The following TSC22D2 variants were observed in gnomAD, a reference collection of about 807,000 sequenced individuals.
TSC22D2 encodes the protein TSC22 domain family protein 2.
Under a neutral mutation model 50.1 loss-of-function variants are expected in TSC22D2, and 5 were observed. The observed-to-expected ratio is 0.10, with a 90% CI of 0.05 to 0.21. The LOEUF is 0.21. Ranked by LOEUF, TSC22D2 falls within the 10% of genes least tolerant of loss-of-function variation. The probability of loss-of-function intolerance (pLI) is 1.00; values close to 1 mark genes in which losing one functional copy is unlikely to be tolerated. For missense variants in TSC22D2, 1,003 were observed against 1,015.5 expected, an observed-to-expected ratio of 0.99 and a Z score of 0.17; for synonymous variants, 501 against 450.1, an observed-to-expected ratio of 1.11 and a Z score of -1.43.
chr3:150,430,226 G>A (rs1720334954), intron 1 of TSC22D2, among the ~76,000 whole-genome samples: 1 of 152,136 alleles, frequency 6.6e-6, no homozygotes, highest in Non-Finnish European at 1.5e-5. Flanking sequence ...TTAAAGAACT[G>A]AGGGGAAGGG....
chr3:150,440,025 T>G (rs1720666849), intron 1 of TSC22D2, among the ~76,000 whole-genome samples: 1 of 152,208 alleles, frequency 6.6e-6, no homozygotes, highest in Non-Finnish European at 1.5e-5. Context: ...TGGCACATTA[T>G]CTCATTTAAT....
At chr3:150,434,811 T>C (rs972645590) in intron 1 of TSC22D2, among the ~76,000 whole-genome samples, 2 of 151,688 alleles carry the variant, frequency 1.3e-5, no homozygotes, top group Admixed American at 6.6e-5. Flanking sequence ...CATGTACTTA[T>C]GCTTATATAT....
In TSC22D2 at chr3:150,466,080, GT is replaced by G. The variant is rs762434698; in HGVS notation, c.*7445del. 6.6e-6 allele frequency: 1 copy of G among 152,094 alleles called. No homozygotes were observed. The highest frequency in any genetic ancestry group is 1.5e-5 in the Non-Finnish European group (1 of 68,022). 9.4% of individuals were successfully genotyped at this position (152,094 alleles called of 1,614,324 possible). A position where few individuals can be genotyped will look rare whatever the true frequency, so the allele number is the denominator to read the frequency against. On this transcript the variant is annotated 3_prime_UTR_variant, in exon 3 of 3. Transcript: ENST00000688009. ...ATTAAGTATCAATGAAAAAGAGAGAGTCCTACATGTCCGGCATGGAAGGATC... is the reference window on the plus strand; with the variant it reads ...ATTAAGTATCAATGAAAAAGAGAGAGCCTACATGTCCGGCATGGAAGGATC...
At chr3:150,449,994 C>A (rs1720994655) in intron 1 of TSC22D2, among the ~76,000 whole-genome samples, 1 of 151,878 alleles carries the variant, frequency 6.6e-6, no homozygotes, top group Non-Finnish European at 1.5e-5. Flanking sequence ...AAAAATTAGA[C>A]ATGCAGTTAC....
At chr3:150,457,866 C>A (rs1392472963) in intron 2 of TSC22D2, among the ~76,000 whole-genome samples, 1 of 144,442 alleles carries the variant, frequency 6.9e-6, no homozygotes, top group Non-Finnish European at 1.5e-5. Context: ...AAACTCCTGA[C>A]CTCAGGTGAT....
In TSC22D2 at chr3:150,413,862, T is replaced by C. The variant is rs187044232; in HGVS notation, c.1958+2554T>C. On this transcript the variant is annotated intron_variant, in intron 1 of 2. Coordinates refer to ENST00000688009, the MANE Select transcript of TSC22D2 (RefSeq NM_001303264.2). ...CAAATTTCAGATCCTAAGGAAATAT[T>C]TGTAAATAAGATATATGCTTTTTTT... 1.8e-3 allele frequency among the ~76,000 whole-genome samples: 266 copies of C among 146,296 alleles called. 1 individual carries two copies. Among genetic ancestry groups the C allele is most frequent in the African/African-American group, 6.4e-3 (251 of 39,436 alleles).
chr3:150,430,208 A>T (rs563333142), intron 1 of TSC22D2, among the ~76,000 whole-genome samples: 14 of 152,256 alleles, frequency 9.2e-5, no homozygotes, highest in African/African-American at 3.4e-4. Flanking sequence ...GAATTTGGTC[A>T]AGCAGAATTA....
At chr3:150,445,322 TAATAATAATAATAATA>T (rs1720846834) in intron 1 of TSC22D2, among the ~76,000 whole-genome samples, 1 of 40,626 alleles carries the variant, frequency 2.5e-5, no homozygotes. Context: ...TCAAAAATAA[TAATAATAATAATAATA>T]ATAATAATAA....
chr3:150,424,086 TG>T (rs1475892043), intron 1 of TSC22D2, among the ~76,000 whole-genome samples: 1 of 152,208 alleles, frequency 6.6e-6, no homozygotes, highest in African/African-American at 2.4e-5. Context: ...GATTTGCTTG[TG>T]TGTGTCACTC....
At chr3:150,454,623 C>A (rs760253254) in intron 1 of TSC22D2, among the ~76,000 whole-genome samples, 1 of 152,090 alleles carries the variant, frequency 6.6e-6, no homozygotes, top group African/African-American at 2.4e-5. Flanking sequence ...ACAAGACCTC[C>A]AGATGATTCT....
Position 150,409,840 on chromosome 3 carries a change from G to T in TSC22D2, c.490G>T (p.Val164Leu). ...CACCACATGTAGTTCCCGTTTTCGC[G>T]TGATCAAGCTGGACCACGGGAGCGG... is the stretch of plus-strand genomic sequence containing the variant. ...PPTTCSSRFR[V>L]IKLDHGSGEP... Residue 164 changes from valine to leucine, a missense_variant, in exon 1 of 3, where the codon GTG becomes TTG. By Grantham distance (32) the Val-to-Leu change is conservative. This residue lies in a region of TSC22D2 where 19 missense variants were observed against 41.3 expected (regional missense o/e 0.46). Transcript: ENST00000688009. The surrounding 1 kb of genome is among the most constrained non-coding windows in gnomAD (Gnocchi z 7.4). 2 of 1,607,758 alleles carry T rather than the reference G, an allele frequency of 1.2e-6. No homozygotes were observed. The highest frequency in any genetic ancestry group is 1.7e-6 in the Non-Finnish European group (2 of 1,179,998).
At chr3:150,419,613 T>C (rs1205860284) in intron 1 of TSC22D2, among the ~76,000 whole-genome samples, 5 of 152,226 alleles carry the variant, frequency 3.3e-5, no homozygotes, top group Admixed American at 6.5e-5. Flanking sequence ...TTTTGAGGTA[T>C]GGAATGTTTG....
rs1721304830 is a variant in TSC22D2 at position 150,459,447 on chromosome 3, TCCTCTGC to T, written c.*812_*818del. The T allele has an allele frequency of 6.6e-6, 1 of 152,586 alleles. No individual in the cohort carries two copies. The highest frequency in any genetic ancestry group is 2.1e-4 in the South Asian group (1 of 4,830). The allele number at this position is 152,586 out of a possible 1,614,324, so 9.5% of individuals were successfully genotyped here. ...ACTTTCTAAGAGAAATTGCCACGAT[TCCTCTGC>T]TTTTCAACATTTCGTATGACTTTTT... On this transcript the variant is annotated 3_prime_UTR_variant, in exon 3 of 3. Coordinates refer to ENST00000688009, the MANE Select transcript of TSC22D2 (RefSeq NM_001303264.2).
intron 1 of TSC22D2, among the ~76,000 whole-genome samples, chr3:150,415,843 A>T (rs1719776246): frequency 6.6e-6 from 1 of 152,162 alleles, no homozygotes; most frequent in African/African-American, 2.4e-5. Context: ...TTCTGATAGC[A>T]CTAATTTGGA....
At chr3:150,421,728 T>G (rs1173366919) in intron 1 of TSC22D2, among the ~76,000 whole-genome samples, 2 of 152,206 alleles carry the variant, frequency 1.3e-5, no homozygotes, top group East Asian at 3.8e-4. Flanking sequence ...TTTAAGGCTC[T>G]TAATAGGACC....
At chr3:150,454,259 G>A (rs564110575) in intron 1 of TSC22D2, among the ~76,000 whole-genome samples, 27 of 152,236 alleles carry the variant, frequency 1.8e-4, no homozygotes, top group Admixed American at 1.6e-3. Flanking sequence ...CCAGCTGAGG[G>A]AGCAGTTTCT....
At chr3:150,441,712 C>T (rs2108090013) in intron 1 of TSC22D2, among the ~76,000 whole-genome samples, 1 of 152,220 alleles carries the variant, frequency 6.6e-6, no homozygotes, top group African/African-American at 2.4e-5. Context: ...CATGATCGCA[C>T]CACTCCACTC....
intron 1 of TSC22D2, among the ~76,000 whole-genome samples, chr3:150,442,624 G>A (rs561618800): frequency 3.9e-5 from 6 of 152,082 alleles, no homozygotes; most frequent in African/African-American, 7.2e-5. Flanking sequence ...CTCAGTACCC[G>A]GTCCTATTAT....
chr3:150,460,350 A>G lies in TSC22D2; in HGVS notation c.*1714A>G, dbSNP rs1344635931. 1.3e-5 allele frequency: 2 copies of G among 152,242 alleles called. No homozygotes were observed. The highest frequency in any genetic ancestry group is 4.8e-5 in the African/African-American group (2 of 41,460). The allele number at this position is 152,242 out of a possible 1,614,324, so 9.4% of individuals were successfully genotyped here. ...CCAAAACTTTTACTTGAATTCAGAA[A>G]GGTGCCTGTAGAAATTAACATGCAC... On this transcript the variant is annotated 3_prime_UTR_variant, in exon 3 of 3. Coordinates refer to ENST00000688009, the MANE Select transcript of TSC22D2 (RefSeq NM_001303264.2).
Sources: allele counts gnomAD v4.1 joint callset (sites outside exome capture counted in the v4.1 genomes callset), GRCh38; gene constraint gnomAD v4.1.1; regional missense constraint gnomAD v4.1.1; non-coding constraint Gnocchi (gnomAD v3.1); transcripts MANE v1.5; gene names NCBI Gene and HGNC (gene_info 2026-07-23, HGNC 2026-07-21).